Variants in SCAPER observed in about 807,000 individuals in gnomAD.
SCAPER encodes S-phase cyclin A associated protein in the ER, also known as S phase cyclin A-associated protein in the endoplasmic reticulum.
A neutral mutation model predicts 182.2 loss-of-function variants in SCAPER; 98 were observed. The observed-to-expected ratio is 0.54, with a 90% CI of 0.46 to 0.64. The LOEUF (loss-of-function observed/expected upper bound fraction) is 0.64. SCAPER is among the 30% of genes least tolerant of loss of function. The probability of loss-of-function intolerance (pLI) is 0.00; values close to 1 mark genes in which losing one functional copy is unlikely to be tolerated. For missense variants in SCAPER, 1,432 were observed against 1,690.0 expected (o/e 0.85, Z 2.68); for synonymous variants, 605 against 564.6 (o/e 1.07, Z -1.01).
At chr15:76,383,371 C>G (rs1429819339) in intron 27 of SCAPER, among the ~76,000 whole-genome samples, 1 of 152,132 alleles carries the variant, frequency 6.6e-6, no homozygotes, top group African/African-American at 2.4e-5. Flanking sequence ...ATTCATTTTA[C>G]TTTGCTAGCT....
At chr15:76,620,144 T>C (rs2051889933) in intron 22 of SCAPER, among the ~76,000 whole-genome samples, 1 of 152,160 alleles carries the variant, frequency 6.6e-6, no homozygotes, top group Non-Finnish European at 1.5e-5. Context: ...GTAAATATAT[T>C]TATATTTTCT....
intron 24 of SCAPER, among the ~76,000 whole-genome samples, chr15:76,504,640 C>T (rs2143821776): frequency 6.6e-6 from 1 of 152,316 alleles, no homozygotes; most frequent in South Asian, 2.1e-4. Context: ...GAGCACATCA[C>T]AGACCAAAGA....
chr15:76,789,075 T>C (rs2064822275), intron 8 of SCAPER, among the ~76,000 whole-genome samples: 1 of 152,210 alleles, frequency 6.6e-6, no homozygotes, highest in African/African-American at 2.4e-5. Flanking sequence ...TTTGTAAGAA[T>C]ATAAATAGGC....
intron 4 of SCAPER, among the ~76,000 whole-genome samples, chr15:76,853,046 A>G (rs2070925272): frequency 6.6e-6 from 1 of 152,236 alleles, no homozygotes. Context: ...ACCGCTATGA[A>G]CACCTCTGTG....
intron 29 of SCAPER, among the ~76,000 whole-genome samples, chr15:76,373,779 C>T (rs1596336193): frequency 6.6e-6 from 1 of 152,210 alleles, no homozygotes; most frequent in Non-Finnish European, 1.5e-5. Context: ...ATACACTTTG[C>T]CTCCATGCTT....
At chr15:76,815,145 T>C (rs1452516617) in intron 5 of SCAPER, among the ~76,000 whole-genome samples, 1 of 152,168 alleles carries the variant, frequency 6.6e-6, no homozygotes, top group Non-Finnish European at 1.5e-5. Context: ...AGAAAACCCT[T>C]GTACACTATT....
chr15:76,386,661 G>A (rs2043311117), intron 27 of SCAPER, among the ~76,000 whole-genome samples: 1 of 152,126 alleles, frequency 6.6e-6, no homozygotes, highest in Non-Finnish European at 1.5e-5. Flanking sequence ...AAAGCCATGT[G>A]GACACCTGGG....
intron 2 of SCAPER, among the ~76,000 whole-genome samples, chr15:76,880,007 G>A (rs1024385742): frequency 6.6e-6 from 1 of 152,210 alleles, no homozygotes; most frequent in Non-Finnish European, 1.5e-5. Flanking sequence ...CTGGCAGAAT[G>A]ATTTTTAAAA....
intron 20 of SCAPER, among the ~76,000 whole-genome samples, chr15:76,686,039 A>C (rs1427612218): frequency 6.6e-6 from 1 of 152,056 alleles, no homozygotes. Flanking sequence ...AGTAGAACAC[A>C]AAAAGTACTA....
At chr15:76,574,124 AT>A in intron 23 of SCAPER, 33 bp downstream of exon 23, 1 of 1,573,370 alleles carries the variant, frequency 6.4e-7, no homozygotes, top group Non-Finnish European at 8.6e-7. Context: ...GATCACAAAG[AT>A]TAAGGTTCAA....
At chr15:76,632,994 C>T (rs2053259996) in intron 21 of SCAPER, among the ~76,000 whole-genome samples, 1 of 151,994 alleles carries the variant, frequency 6.6e-6, no homozygotes, top group South Asian at 2.1e-4. Context: ...AGGCTGGTCT[C>T]GAACTCCTGA....
chr15:76,681,978 C>T (rs1020904493), intron 20 of SCAPER, among the ~76,000 whole-genome samples: 1 of 152,170 alleles, frequency 6.6e-6, no homozygotes, highest in Non-Finnish European at 1.5e-5. Flanking sequence ...CACAGGCAGT[C>T]CCATCTGGGC....
chr15:76,356,269 T>A (rs559011633), intron 29 of SCAPER, among the ~76,000 whole-genome samples: 1 of 152,260 alleles, frequency 6.6e-6, no homozygotes, highest in East Asian at 1.9e-4. Flanking sequence ...TCAGCTGAAT[T>A]GGACTAAGCA....
intron 4 of SCAPER, among the ~76,000 whole-genome samples, chr15:76,842,552 T>C (rs1041448656): frequency 1.3e-5 from 2 of 152,298 alleles, no homozygotes; most frequent in Middle Eastern, 3.4e-3. Context: ...TGCTGAACTG[T>C]GAGTCAATTA....
chr15:76,869,998 A>C (rs1441843497), intron 2 of SCAPER, among the ~76,000 whole-genome samples: 1 of 152,208 alleles, frequency 6.6e-6, no homozygotes, highest in Non-Finnish European at 1.5e-5. Flanking sequence ...AAACACAGAA[A>C]GAGAACTATC....
intron 20 of SCAPER, among the ~76,000 whole-genome samples, chr15:76,673,993 C>T (rs2057210822): frequency 7.3e-6 from 1 of 136,446 alleles, no homozygotes; most frequent in Admixed American, 7.0e-5. Flanking sequence ...ACACACACCC[C>T]AATCAGATAA....
intron 29 of SCAPER, among the ~76,000 whole-genome samples, chr15:76,358,537 C>A (rs1192926745): frequency 2.0e-5 from 3 of 152,234 alleles, no homozygotes; most frequent in African/African-American, 7.2e-5. Context: ...TGTTGGCAGA[C>A]AGCTGCCTTC....
intron 4 of SCAPER, among the ~76,000 whole-genome samples, chr15:76,853,519 A>G (rs2071001435): frequency 6.6e-6 from 1 of 152,156 alleles, no homozygotes; most frequent in Admixed American, 6.5e-5. Flanking sequence ...TAGGCAAATC[A>G]ATAAATGTGA....
intron 9 of SCAPER, among the ~76,000 whole-genome samples, chr15:76,772,211 A>G (rs2063510006): frequency 6.6e-6 from 1 of 152,046 alleles, no homozygotes; most frequent in East Asian, 1.9e-4. Flanking sequence ...AGCAATTTAT[A>G]TTGTAATTTT....
Sources: allele counts gnomAD v4.1 joint callset (sites outside exome capture counted in the v4.1 genomes callset), GRCh38; gene constraint gnomAD v4.1.1; transcripts MANE v1.5; gene names NCBI Gene and HGNC (gene_info 2026-07-23, HGNC 2026-07-21).